Variants in CRLS1 observed in about 807,000 individuals in gnomAD.
The protein encoded by CRLS1 is cardiolipin synthase 1.
A neutral mutation model predicts 37.0 loss-of-function variants in CRLS1; 24 were observed. That is an observed-to-expected ratio of 0.65 (90% CI 0.47 to 0.91). The LOEUF (loss-of-function observed/expected upper bound fraction) is 0.91. Among genes scored for constraint, CRLS1 ranks in the 40% least tolerant of loss-of-function variants. The pLI, the probability that CRLS1 is intolerant of heterozygous loss-of-function variation, is 0.00. For missense variants in CRLS1, 373 were observed against 395.8 expected (o/e 0.94, Z 0.49); for synonymous variants, 135 against 159.7 (o/e 0.85, Z 1.17).
chr20:6,037,231 G>A lies in CRLS1; in HGVS notation c.*73G>A. 1 of 1,061,070 alleles carries A rather than the reference G, an allele frequency of 9.4e-7. No homozygotes were observed. Among genetic ancestry groups the A allele is most frequent in the Non-Finnish European group, 1.4e-6 (1 of 734,708 alleles). 65.7% of individuals were successfully genotyped at this position (1,061,070 alleles called of 1,614,324 possible). On this transcript the variant is annotated 3_prime_UTR_variant, in exon 7 of 7. Coordinates refer to ENST00000378863, the MANE Select transcript of CRLS1 (RefSeq NM_019095.6). The stretch of plus-strand genomic sequence containing the variant: ...GAACAGGGCCCATGGAAATGTACAG[G>A]AGTTTCCCTATTTTGGTGTTCAGCT...
At position 6,037,161 on chromosome 20, in the gene CRLS1, A is replaced by C; in HGVS notation, c.*3A>C. 6 of 1,606,514 alleles carry C rather than the reference A, an allele frequency of 3.7e-6. No individual in the cohort carries two copies. The highest frequency in any genetic ancestry group is 5.1e-6 in the Non-Finnish European group (6 of 1,173,420). On this transcript the variant is annotated 3_prime_UTR_variant, in exon 7 of 7. Coordinates refer to ENST00000378863, the MANE Select transcript of CRLS1 (RefSeq NM_019095.6). ...CTGTTCAGGTGATAAAAGACTGATG[A>C]AAGTCATCCCTCACTGTTAGTAAGG...
chr20:6,008,246 T>C (rs1191165988), intron 1 of CRLS1, among the ~76,000 whole-genome samples: 1 of 151,958 alleles, frequency 6.6e-6, no homozygotes, highest in Non-Finnish European at 1.5e-5. Context: ...AAGAAAGAGG[T>C]TAAAAGGGGT....
intron 1 of CRLS1, 21 bp from the exon 2 acceptor site, chr20:6,009,754 T>G (rs773202680): frequency 9.4e-6 from 15 of 1,596,058 alleles, no homozygotes; most frequent in Middle Eastern, 3.3e-4. Flanking sequence ...TTACTTAAAT[T>G]TTGTTGTCTT....
intron 3 of CRLS1, among the ~76,000 whole-genome samples, chr20:6,027,629 G>A (rs1979822420): frequency 6.6e-6 from 1 of 151,942 alleles, no homozygotes; most frequent in African/African-American, 2.4e-5. Flanking sequence ...TGGCCAGGCT[G>A]GTCTCGAACT....
chr20:6,017,189 G>A (rs1265389676), intron 3 of CRLS1, among the ~76,000 whole-genome samples: 1 of 152,036 alleles, frequency 6.6e-6, no homozygotes, highest in African/African-American at 2.4e-5. Context: ...GTTTTACCAC[G>A]TTGCCCAGGC....
Position 6,037,130 on chromosome 20 carries a change from G to A in CRLS1, c.878G>A (p.Arg293Gln), listed in dbSNP as rs375997188. 187 of 1,613,056 alleles carry A rather than the reference G, an allele frequency of 1.2e-4. 3 individuals carry two copies. In the South Asian group the frequency reaches 1.6e-3, roughly 14 times the overall value. The change falls in exon 7 of 7, where the codon CGG becomes CAG. Residue 293 changes from arginine (R) to glutamine (Q), a missense_variant. Arg to Gln is a conservative substitution (Grantham distance 43). Coordinates refer to ENST00000378863, the MANE Select transcript of CRLS1 (RefSeq NM_019095.6). ...GCTTATAGTTACTATCATTATGGCCGGAAGACTGTTCAGGTGATAAAAGAC... is the reference window on the plus strand; with the variant it reads ...GCTTATAGTTACTATCATTATGGCCAGAAGACTGTTCAGGTGATAAAAGAC... ...ASAYSYYHYG[R>Q]KTVQVIKD
chr20:6,035,994 G>A (rs929114666), intron 6 of CRLS1, among the ~76,000 whole-genome samples: 17 of 151,960 alleles, frequency 1.1e-4, no homozygotes, highest in African/African-American at 3.9e-4. Flanking sequence ...TAGTAAAGGC[G>A]GGATTTCACC....
At chr20:6,022,335 C>CTTTTTTTT (rs34621758) in intron 3 of CRLS1, among the ~76,000 whole-genome samples, 1 of 94,708 alleles carries the variant, frequency 1.1e-5, no homozygotes, top group African/African-American at 4.2e-5. Flanking sequence ...TAATCCATTG[C>CTTTTTTTT]TTTTTTTTTT....
intron 6 of CRLS1, among the ~76,000 whole-genome samples, 189 bp downstream of exon 6, chr20:6,034,744 CAAA>C (rs1373766931): frequency 6.6e-6 from 1 of 152,078 alleles, no homozygotes; most frequent in East Asian, 1.9e-4. Context: ...AGCTTTCATA[CAAA>C]TTAAAAGGGA....
chr20:6,007,239 T>A, intron 1 of CRLS1: 5 of 1,506,642 alleles, frequency 3.3e-6, no homozygotes, highest in African/African-American at 1.4e-5. Context: ...GTGGCCCCTG[T>A]ACTGCTTTCA....
chr20:6,006,553 G>A lies in CRLS1; in HGVS notation c.306+1G>A. 1 of 1,281,698 alleles carries A rather than the reference G, an allele frequency of 7.8e-7. No individual in the cohort carries two copies. The highest frequency in any genetic ancestry group is 2.6e-5 in the South Asian group (1 of 38,700). The allele number at this position is 1,281,698 out of a possible 1,614,324, so 79.4% of individuals were successfully genotyped here. On this transcript the variant is annotated splice_donor_variant, in intron 1 of 6. Coordinates refer to ENST00000378863, the MANE Select transcript of CRLS1 (RefSeq NM_019095.6). LOFTEE classifies it high-confidence loss of function. The stretch of plus-strand genomic sequence containing the variant: ...GGGCCCGGCGAGCACCCCCAGCCTG[G>A]TACGTACCGATGAGGCGGCGGCGGG...
intron 3 of CRLS1, chr20:6,015,900 A>G (rs1349760186): frequency 9.1e-6 from 2 of 219,726 alleles, no homozygotes; most frequent in Non-Finnish European, 1.8e-5. Context: ...GAAGATGTCT[A>G]TAAAATTTCA....
At chr20:6,027,302 C>T (rs1979788068) in intron 3 of CRLS1, among the ~76,000 whole-genome samples, 1 of 152,072 alleles carries the variant, frequency 6.6e-6, no homozygotes, top group East Asian at 1.9e-4. Flanking sequence ...CCAGGCTGGT[C>T]TCGAACTCCT....
At chr20:6,007,531 GAA>G in intron 1 of CRLS1, 4 of 982,690 alleles carry the variant, frequency 4.1e-6, no homozygotes, top group Non-Finnish European at 6.3e-6. Flanking sequence ...GAGCTAAAAA[GAA>G]CTCCCTTCAC....
intron 3 of CRLS1, among the ~76,000 whole-genome samples, chr20:6,025,010 A>T (rs987706228): frequency 6.6e-6 from 1 of 152,220 alleles, no homozygotes; most frequent in Non-Finnish European, 1.5e-5. Flanking sequence ...CATAACATGG[A>T]AGTGCAAGAT....
intron 1 of CRLS1, among the ~76,000 whole-genome samples, chr20:6,009,428 CT>C (rs1568614780): frequency 1.4e-5 from 2 of 146,942 alleles, no homozygotes; most frequent in African/African-American, 5.0e-5. Context: ...CTTTTTTTTT[CT>C]TTTTTTAATT....
intron 6 of CRLS1, among the ~76,000 whole-genome samples, chr20:6,035,302 A>C (rs1600393570): frequency 6.6e-6 from 1 of 152,200 alleles, no homozygotes; most frequent in Non-Finnish European, 1.5e-5. Context: ...TATAGGATGA[A>C]GGCTTTTTGA....
rs2090062391 is a variant in CRLS1, at chr20:6,006,779, C to G, written c.306+227C>G. ...GTCAAGTTAGAAATCCTCTCATCCC[C>G]CTTCTATCTGCACCCGTTGCTGGAA... On this transcript the variant is annotated intron_variant, in intron 1 of 6. Coordinates refer to ENST00000378863, the MANE Select transcript of CRLS1 (RefSeq NM_019095.6). 3.0e-6 allele frequency: 3 copies of G among 985,406 alleles called. No individual in the cohort carries two copies. In the African/African-American group the frequency reaches 5.2e-5, roughly 17 times the overall value. The allele number at this position is 985,406 out of a possible 1,614,324, so 61.0% of individuals were successfully genotyped here. A position where few individuals can be genotyped will look rare whatever the true frequency, so the allele number is the denominator to read the frequency against.
chr20:6,014,555 T>C (rs892806282), intron 2 of CRLS1, among the ~76,000 whole-genome samples: 6 of 152,350 alleles, frequency 3.9e-5, no homozygotes, highest in Middle Eastern at 3.4e-3. Flanking sequence ...CTGCCTTGTT[T>C]AATGTGAATA....
Sources: allele counts gnomAD v4.1 joint callset (sites outside exome capture counted in the v4.1 genomes callset), GRCh38; gene constraint gnomAD v4.1.1; transcripts MANE v1.5; gene names NCBI Gene and HGNC (gene_info 2026-07-23, HGNC 2026-07-21).